Variants in SEC22C observed in about 807,000 individuals in gnomAD.
SEC22C encodes the protein SEC22 homolog C, vesicle trafficking protein.
SEC22C carries 29 observed loss-of-function variants against 34.7 expected under a neutral mutation model. That is an observed-to-expected ratio of 0.84 (90% confidence interval 0.62 to 1.14). SEC22C has a LOEUF of 1.14. SEC22C is among the 50% of genes most tolerant of loss of function. The pLI is 0.00. For synonymous variants in SEC22C, 117 were observed against 132.8 expected (o/e 0.88, Z 0.82); for missense variants, 337 against 369.0 (o/e 0.91, Z 0.71).
chr3:42,596,813 C>T (rs746254568), intron 1 of SEC22C, among the ~76,000 whole-genome samples: 1 of 152,176 alleles, frequency 6.6e-6, no homozygotes, highest in Non-Finnish European at 1.5e-5. Flanking sequence ...TGATTTGTCT[C>T]AGGTCACATA....
chr3:42,598,359 GC>G (rs902276580), intron 1 of SEC22C, among the ~76,000 whole-genome samples: 3 of 146,394 alleles, frequency 2.0e-5, no homozygotes, highest in African/African-American at 7.6e-5. Flanking sequence ...ACAGAGTCTC[GC>G]ACTGTCACCC....
intron 1 of SEC22C, among the ~76,000 whole-genome samples, chr3:42,571,389 A>T (rs897934678): frequency 1.3e-5 from 2 of 152,172 alleles, no homozygotes; most frequent in Non-Finnish European, 2.9e-5. Context: ...TCTATTTTTT[A>T]AAAGTCTTTT....
Position 42,568,856 on chromosome 3 carries a change from A to G in SEC22C, c.182+9T>C. ...CTAATATTCTGAAAAAGTGAATATG[A>G]TCACTTACTGTATACTAAAGTCACA... On this transcript the variant is annotated intron_variant, in intron 2 of 6. Transcript: ENST00000264454. 1 of 1,612,164 alleles carries G rather than the reference A, an allele frequency of 6.2e-7. No individual in the cohort carries two copies. Among genetic ancestry groups the G allele is most frequent in the Non-Finnish European group, 8.5e-7 (1 of 1,178,400 alleles).
At chr3:42,569,347 G>C (rs73073308) in intron 1 of SEC22C, among the ~76,000 whole-genome samples, 37 of 152,230 alleles carry the variant, frequency 2.4e-4, no homozygotes, top group Non-Finnish European at 4.3e-4. Context: ...TGGGATGATG[G>C]GGAAAGGAAT....
intron 6 of SEC22C, among the ~76,000 whole-genome samples, chr3:42,554,764 T>C (rs1702424263): frequency 6.6e-6 from 1 of 152,180 alleles, no homozygotes; most frequent in Non-Finnish European, 1.5e-5. Flanking sequence ...AGTGCTAAAA[T>C]CCTAGTCCAT....
chr3:42,552,207 T>A lies in SEC22C; in HGVS notation c.*1041A>T. The stretch of plus-strand genomic sequence containing the variant: ...AAAGTTAACAGATACTTAACTCTTG[T>A]TCATAAAAAATGAGGCCCTCAAGCT... On this transcript the variant is annotated 3_prime_UTR_variant, in exon 7 of 7. Transcript: ENST00000264454. The A allele has an allele frequency of 1.0e-6, 1 of 985,304 alleles. No homozygotes were observed. Among genetic ancestry groups the A allele is most frequent in the Non-Finnish European group, 1.2e-6 (1 of 829,784 alleles). 61.0% of individuals were successfully genotyped at this position (985,304 alleles called of 1,614,324 possible).
At chr3:42,560,514 T>A (rs997143253) in intron 4 of SEC22C, among the ~76,000 whole-genome samples, 1 of 148,892 alleles carries the variant, frequency 6.7e-6, no homozygotes, top group African/African-American at 2.5e-5. Flanking sequence ...TTGTCTCTAT[T>A]TGAAAAAAAA....
chr3:42,578,777 T>C (rs1393580631), intron 1 of SEC22C, among the ~76,000 whole-genome samples: 8 of 152,206 alleles, frequency 5.3e-5, no homozygotes. Flanking sequence ...ATGCTAATAC[T>C]TTTTTGTTTA....
In SEC22C at chr3:42,549,785, A is replaced by G. The variant is rs1480482164; in HGVS notation, c.*3463T>C. 2 of 985,414 alleles carry G rather than the reference A, an allele frequency of 2.0e-6. No homozygotes were observed. The highest frequency in any genetic ancestry group is 1.7e-5 in the African/African-American group (1 of 57,256). 61.0% of individuals were successfully genotyped at this position (985,414 alleles called of 1,614,324 possible). A position where few individuals can be genotyped will look rare whatever the true frequency, so the allele number is the denominator to read the frequency against. On this transcript the variant is annotated 3_prime_UTR_variant, in exon 7 of 7. Coordinates refer to ENST00000264454, the MANE Select transcript of SEC22C (RefSeq NM_032970.4). ...AGAGTTGGAGAACAAGAGCACCTAG[A>G]AAAGAACAGAGGAGCTCAAGCTCAT...
intron 6 of SEC22C, among the ~76,000 whole-genome samples, chr3:42,555,346 CA>C (rs34824398): frequency 6.3e-4 from 85 of 134,710 alleles, no homozygotes; most frequent in Admixed American, 1.1e-3. Flanking sequence ...GACTCCGTCT[CA>C]AAAAAAAAAA....
intron 1 of SEC22C, among the ~76,000 whole-genome samples, chr3:42,597,025 A>C (rs192109963): frequency 2.6e-4 from 39 of 152,332 alleles, no homozygotes; most frequent in Non-Finnish European, 4.6e-4. Flanking sequence ...TCCATGTATG[A>C]AAGTTAGCTT....
chr3:42,586,957 C>T (rs114185497), upstream of SEC22C, among the ~76,000 whole-genome samples: 363 of 152,328 alleles, frequency 2.4e-3, 4 homozygotes, highest in Non-Finnish European at 3.8e-3. Flanking sequence ...TTCTCAGTTG[C>T]TTAACCCAGA....
intron 1 of SEC22C, among the ~76,000 whole-genome samples, chr3:42,576,210 C>T (rs1377022391): frequency 1.3e-5 from 2 of 151,624 alleles, no homozygotes; most frequent in African/African-American, 2.4e-5. Context: ...AAAACAGTAC[C>T]GAGAGGGAAA....
At chr3:42,568,739 T>C (rs1703420427) in intron 2 of SEC22C, 126 bp downstream of exon 2, 1 of 766,718 alleles carries the variant, frequency 1.3e-6, no homozygotes. Context: ...ACACACATGA[T>C]CTCAGACCAC....
rs1006704629 is a variant in SEC22C at position 42,581,921 on chromosome 3, G to A, written c.-103C>T. 1 of 152,326 alleles carries A rather than the reference G, an allele frequency of 6.6e-6. No individual in the cohort carries two copies. The highest frequency in any genetic ancestry group is 1.5e-5 in the Non-Finnish European group (1 of 68,102). 9.4% of individuals were successfully genotyped at this position (152,326 alleles called of 1,614,324 possible). On this transcript the variant is annotated 5_prime_UTR_variant, in exon 1 of 7. Transcript: ENST00000264454. The stretch of plus-strand genomic sequence containing the variant: ...CCTCCTCAGCAATCTTAGCCGACCG[G>A]GAGGGCTCGGCCCAGGTCACCGGCA...
chr3:42,557,166 G>A (rs1702580243), intron 5 of SEC22C, among the ~76,000 whole-genome samples: 1 of 152,310 alleles, frequency 6.6e-6, no homozygotes, highest in East Asian at 1.9e-4. Flanking sequence ...AAAGACACAA[G>A]GAAGGTGGCA....
chr3:42,559,160 C>T (rs1702727036), intron 4 of SEC22C, among the ~76,000 whole-genome samples: 1 of 152,192 alleles, frequency 6.6e-6, no homozygotes, highest in African/African-American at 2.4e-5. Context: ...CGCTATACTC[C>T]TTTCTTACAC....
chr3:42,571,150 G>A (rs566500855), intron 1 of SEC22C, among the ~76,000 whole-genome samples: 1 of 152,216 alleles, frequency 6.6e-6, no homozygotes, highest in South Asian at 2.1e-4. Context: ...ATTATCTTAA[G>A]CCAATAAAAA....
Position 42,560,799 on chromosome 3 carries a change from T to G in SEC22C, c.526+318A>C, listed in dbSNP as rs994272493. Among the ~76,000 whole-genome samples, 3 of 152,124 alleles carry G rather than the reference T, an allele frequency of 2.0e-5. No homozygotes were observed. In the South Asian group the frequency reaches 6.2e-4, roughly 32 times the overall value. On this transcript the variant is annotated intron_variant, in intron 4 of 6. Transcript: ENST00000264454. The stretch of plus-strand genomic sequence containing the variant: ...GACTACAGGCACGAGCCACCACCTC[T>G]GGCTAATTTTTTGTATTTTTGATAG...
Sources: allele counts gnomAD v4.1 joint callset (sites outside exome capture counted in the v4.1 genomes callset), GRCh38; gene constraint gnomAD v4.1.1; transcripts MANE v1.5; gene names NCBI Gene and HGNC (gene_info 2026-07-23, HGNC 2026-07-21).